The following KIRREL1 variants were observed in gnomAD, a reference collection of about 807,000 sequenced individuals.
KIRREL1 encodes the protein kirre like nephrin family adhesion molecule 1, also known as kin of IRRE-like protein 1.
A neutral mutation model predicts 83.3 loss-of-function variants in KIRREL1; 25 were observed. The observed-to-expected ratio is 0.30, with a 90% CI of 0.22 to 0.42. The LOEUF (loss-of-function observed/expected upper bound fraction) is 0.42, where lower values mean the gene tolerates loss of function less well. KIRREL1 is among the 10% of genes least tolerant of loss of function. The pLI, the probability that KIRREL1 is intolerant of heterozygous loss-of-function variation, is 1.00. For missense variants in KIRREL1, 812 were observed against 1,032.3 expected (o/e 0.79, Z 2.92); for synonymous variants, 388 against 410.4 (o/e 0.95, Z 0.66).
chr1:158,042,194 C>T (rs1319123607), intron 1 of KIRREL1, among the ~76,000 whole-genome samples: 12 of 147,042 alleles, frequency 8.2e-5, no homozygotes, highest in Non-Finnish European at 1.6e-4. Flanking sequence ...GTAGCTGCGT[C>T]GTGTGGGTCT....
At chr1:158,009,902 T>C (rs1447739662) in intron 1 of KIRREL1, among the ~76,000 whole-genome samples, 1 of 152,228 alleles carries the variant, frequency 6.6e-6, no homozygotes, top group Non-Finnish European at 1.5e-5. Context: ...TCTGGTTTCC[T>C]GGGCATTACA....
intron 1 of KIRREL1, among the ~76,000 whole-genome samples, chr1:158,015,052 A>T (rs1362897779): frequency 6.6e-6 from 1 of 152,166 alleles, no homozygotes; most frequent in Admixed American, 6.5e-5. Context: ...TACTCTGAAG[A>T]AATTTTTTTT....
At chr1:158,016,525 AT>A (rs112892231) in intron 1 of KIRREL1, among the ~76,000 whole-genome samples, 9 of 151,618 alleles carry the variant, frequency 5.9e-5, no homozygotes, top group African/African-American at 1.9e-4. Flanking sequence ...CCAGCCACTG[AT>A]TTTTTTTTAA....
intron 8 of KIRREL1, among the ~76,000 whole-genome samples, chr1:158,089,183 G>C (rs114093000): frequency 6.6e-6 from 1 of 152,148 alleles, no homozygotes; most frequent in African/African-American, 2.4e-5. Context: ...AGAGTAAAAC[G>C]TCCTATGTCA....
chr1:157,996,456 G>A (rs796604074), intron 1 of KIRREL1, among the ~76,000 whole-genome samples: 3 of 151,018 alleles, frequency 2.0e-5, no homozygotes, highest in Non-Finnish European at 4.4e-5. Context: ...CTGCCTCCGT[G>A]GGGGGGATGG....
intron 1 of KIRREL1, among the ~76,000 whole-genome samples, chr1:158,007,558 C>T (rs190361542): frequency 2.6e-5 from 4 of 152,152 alleles, no homozygotes; most frequent in Admixed American, 1.3e-4. Context: ...ACAGGCAGAG[C>T]CCCCCGACAC....
rs562470602 is a variant in KIRREL1, at chr1:158,099,934, G to T, written c.*4814G>T. 87 of 152,114 alleles carry T rather than the reference G, an allele frequency of 5.7e-4. 2 individuals carry two copies. Among genetic ancestry groups the T allele is most frequent in the African/African-American group, 2.0e-3 (84 of 41,478 alleles). 9.4% of individuals were successfully genotyped at this position (152,114 alleles called of 1,614,324 possible). On this transcript the variant is annotated 3_prime_UTR_variant, in exon 15 of 15. Coordinates refer to ENST00000359209, the MANE Select transcript of KIRREL1 (RefSeq NM_018240.7). ...CCAATTTCACCAGAAGAGGCCCAGG[G>T]CTCCCTGTGGTCACATTTTCTACCC...
In KIRREL1 at chr1:158,037,368, C is replaced by T. The variant is rs760178596; in HGVS notation, c.53-38745C>T. ...ATTAGCTGGGCGTGGTGGCACATGC[C>T]TGTAGTCCCAGCTGCTCGGGAGGCT... On this transcript the variant is annotated intron_variant, in intron 1 of 14. Coordinates refer to ENST00000359209, the MANE Select transcript of KIRREL1 (RefSeq NM_018240.7). Among the ~76,000 whole-genome samples the T allele has an allele frequency of 5.9e-4, 89 of 152,000 alleles. 2 individuals are homozygous for T. The highest frequency in any genetic ancestry group is 2.2e-4 in the Non-Finnish European group (15 of 68,018).
intron 1 of KIRREL1, among the ~76,000 whole-genome samples, chr1:158,069,228 G>A (rs11583066): frequency 0.3 from 46,051 of 151,838 alleles, 7,220 homozygotes; most frequent in Non-Finnish European, 0.34. Flanking sequence ...GTGTGTGTGC[G>A]CATGTGCTTG....
chr1:158,053,468 A>G (rs1015805362), intron 1 of KIRREL1, among the ~76,000 whole-genome samples: 1 of 152,104 alleles, frequency 6.6e-6, no homozygotes, highest in African/African-American at 2.4e-5. Flanking sequence ...CCCTTCCACA[A>G]ATACCCAGTG....
intron 1 of KIRREL1, among the ~76,000 whole-genome samples, chr1:158,029,468 C>G (rs1660264948): frequency 6.6e-6 from 1 of 151,988 alleles, no homozygotes; most frequent in Non-Finnish European, 1.5e-5. Context: ...CTTCAGGCTG[C>G]CAATGTACAA....
intron 1 of KIRREL1, among the ~76,000 whole-genome samples, chr1:158,072,429 C>A (rs1185120680): frequency 6.6e-6 from 1 of 152,216 alleles, no homozygotes; most frequent in Non-Finnish European, 1.5e-5. Context: ...ACAGTCCAGA[C>A]TCCTGGAGTT....
intron 1 of KIRREL1, among the ~76,000 whole-genome samples, chr1:157,997,101 A>G (rs1232162077): frequency 1.3e-5 from 2 of 152,216 alleles, no homozygotes; most frequent in Admixed American, 1.3e-4. Context: ...TGCCCCTTAA[A>G]TATCTGATCA....
intron 1 of KIRREL1, among the ~76,000 whole-genome samples, chr1:158,072,392 C>T (rs1303839365): frequency 6.6e-6 from 1 of 152,156 alleles, no homozygotes; most frequent in African/African-American, 2.4e-5. Flanking sequence ...GGCCCTGCAC[C>T]TGGTGATGGG....
intron 1 of KIRREL1, among the ~76,000 whole-genome samples, chr1:158,028,501 A>G (rs1660232328): frequency 6.6e-6 from 1 of 152,226 alleles, no homozygotes; most frequent in South Asian, 2.1e-4. Flanking sequence ...TAGCTTTTGC[A>G]AGGATCTCTG....
In KIRREL1 at chr1:158,088,268, G is replaced by A. The variant is rs190203442; in HGVS notation, c.917-59G>A. 1.4e-3 allele frequency: 2,236 copies of A among 1,600,810 alleles called. 2 individuals carry two copies. Among genetic ancestry groups the A allele is most frequent in the Middle Eastern group, 3.7e-3 (22 of 5,992 alleles). ...GAGGTAGCAGGGCAGGAGGAAGATTGATTGGAGTTAACCCCATGAGCTTGA... is the reference window on the plus strand; with the variant it reads ...GAGGTAGCAGGGCAGGAGGAAGATTAATTGGAGTTAACCCCATGAGCTTGA... On this transcript the variant is annotated intron_variant, in intron 7 of 14. Transcript: ENST00000359209.
At chr1:158,049,472 G>C (rs10908614) in intron 1 of KIRREL1, among the ~76,000 whole-genome samples, 2 of 152,066 alleles carry the variant, frequency 1.3e-5, no homozygotes, top group Admixed American at 6.5e-5. Context: ...ACGCCTCTGA[G>C]AGTCTGGGAT....
In KIRREL1 at chr1:158,076,181, C is replaced by G; in HGVS notation, c.121C>G (p.Pro41Ala). Reference sequence around the variant, plus strand: ...GGTGGCTGGACAGCGGGCCGTGCTCCCCTGTGTGCTGCTCAACTACTCTGG... The same window carrying G: ...GGTGGCTGGACAGCGGGCCGTGCTCGCCTGTGTGCTGCTCAACTACTCTGG... The part of the protein sequence containing the change: ...TVVAGQRAVL[P>A]CVLLNYSGIV... The change falls in exon 2 of 15, where the codon CCC (proline) becomes GCC (alanine). Residue 41 changes from proline to alanine, a missense_variant. By Grantham distance (27) the Pro-to-Ala change is conservative (BLOSUM62 -1). Around this residue, in one of 3 missense-constraint regions of KIRREL1, gnomAD observed 472 missense variants for 626.8 expected, o/e 0.75. Coordinates refer to ENST00000359209, the MANE Select transcript of KIRREL1 (RefSeq NM_018240.7). 1 of 1,614,180 alleles carries G rather than the reference C, an allele frequency of 6.2e-7. No homozygotes were observed.
chr1:158,078,102 C>A lies in KIRREL1; in HGVS notation c.314C>A (p.Ala105Asp). Residue 105 changes from alanine (A) to aspartate (D), a missense_variant, in exon 3 of 15, where the codon GCC becomes GAC. Transcript: ENST00000359209. ...TCTTACGAGTGCCAGGCCACGGAGG[C>A]CGCCCTGCGCTCTCGGCGGGCCAAA... ...DASYECQATE[A>D]ALRSRRAKLT... 6.2e-7 allele frequency: 1 copy of A among 1,614,112 alleles called. No homozygotes were observed. Among genetic ancestry groups the A allele is most frequent in the Non-Finnish European group, 8.5e-7 (1 of 1,180,024 alleles).
Sources: allele counts gnomAD v4.1 joint callset (sites outside exome capture counted in the v4.1 genomes callset), GRCh38; gene constraint gnomAD v4.1.1; regional missense constraint gnomAD v4.1.1; transcripts MANE v1.5; gene names NCBI Gene and HGNC (gene_info 2026-07-23, HGNC 2026-07-21).